Variants in SPATA17 observed in about 807,000 individuals in gnomAD.
SPATA17 encodes spermatogenesis associated 17, also known as spermatogenesis-associated protein 17.
SPATA17 carries 53 observed loss-of-function variants against 62.2 expected under a neutral mutation model. That is an observed-to-expected ratio of 0.85 (90% CI 0.68 to 1.07). SPATA17 has a LOEUF of 1.07. Ranked by LOEUF, SPATA17 falls within the 50% of genes least tolerant of loss-of-function variation. SPATA17 has a pLI of 0.00. For missense variants in SPATA17, 466 were observed against 425.5 expected (o/e 1.10, Z -0.84); for synonymous variants, 146 against 146.8 (o/e 0.99, Z 0.04).
intron 5 of SPATA17, among the ~76,000 whole-genome samples, chr1:217,701,218 G>A (rs573344464): frequency 9.2e-4 from 138 of 150,290 alleles, no homozygotes; most frequent in Middle Eastern, 3.6e-3. Flanking sequence ...CAAGTGATTC[G>A]TTGCCTTGGC....
At position 217,782,231 on chromosome 1, in the gene SPATA17, A is replaced by G. The variant is rs1448026367; in HGVS notation, c.781A>G (p.Thr261Ala). Residue 261 changes from threonine (T) to alanine (A), a missense_variant, in exon 8 of 11, where the codon ACG (threonine) becomes GCG (alanine). Thr to Ala is a moderately conservative substitution (Grantham distance 58). Transcript: ENST00000366933. ...ACAACGCTACAGGCCTTTGGAGCCA[A>G]CGTTGCGGGTGGCAGAACCAATCGA... ...LEQRYRPLEP[T>A]LRVAEPIDEL... 5 of 1,612,966 alleles carry G rather than the reference A, an allele frequency of 3.1e-6. No homozygotes were observed. The East Asian group carries it at 6.7e-5, about 22-fold the overall frequency.
chr1:217,786,765 CT>C (rs34586043), intron 8 of SPATA17, among the ~76,000 whole-genome samples: 11,720 of 146,702 alleles, frequency 0.08, 521 homozygotes, highest in Admixed American at 0.12. Context: ...TCTTCTTCTT[CT>C]TCTTCTTCTT....
rs982453538 is a variant in SPATA17, at chr1:217,804,559, A to C, written c.1005+2709A>C. ...ACAAATAGAATTGCATCAAACCAAA[A>C]AGCTTTGCACAGCAAAGGAAATGAT... is the stretch of plus-strand genomic sequence containing the variant. On this transcript the variant is annotated intron_variant, in intron 9 of 10. Transcript: ENST00000366933. Among the ~76,000 whole-genome samples, 5 of 152,236 alleles carry C rather than the reference A, an allele frequency of 3.3e-5. No homozygotes were observed. The East Asian group carries it at 9.6e-4, about 29-fold the overall frequency.
At chr1:217,701,286 GATATGTGTGTGT>G (rs1423235366) in intron 5 of SPATA17, among the ~76,000 whole-genome samples, 3 of 151,000 alleles carry the variant, frequency 2.0e-5, no homozygotes, top group Non-Finnish European at 3.0e-5. Context: ...TTCACATATA[GATATGTGTGTGT>G]ATATGTGTGT....
chr1:217,663,735 C>T (rs527639087), intron 3 of SPATA17, among the ~76,000 whole-genome samples: 13 of 152,034 alleles, frequency 8.6e-5, no homozygotes, highest in Non-Finnish European at 1.3e-4. Context: ...TTGATCTCAT[C>T]GTGTCATCTA....
In SPATA17 at chr1:217,800,498, G is replaced by T. The variant is rs115227890; in HGVS notation, c.873-1220G>T. Among the ~76,000 whole-genome samples, 1,120 of 152,166 alleles carry T rather than the reference G, an allele frequency of 7.4e-3. 8 individuals carry two copies. Among genetic ancestry groups the T allele is most frequent in the African/African-American group, 0.026 (1,061 of 41,500 alleles). The stretch of plus-strand genomic sequence containing the variant: ...CTTTCCTTGAGACTAGAGCTTTTTG[G>T]TGTAAATTTTTCTGAGAATAGGCTC... On this transcript the variant is annotated intron_variant, in intron 8 of 10. Transcript: ENST00000366933.
intron 9 of SPATA17, among the ~76,000 whole-genome samples, chr1:217,838,651 A>G (rs1443435036): frequency 6.6e-6 from 1 of 152,124 alleles, no homozygotes; most frequent in African/African-American, 2.4e-5. Flanking sequence ...ACAAAAAGAA[A>G]TCACTTTTGT....
chr1:217,859,686 A>C (rs1236388067), intron 9 of SPATA17, among the ~76,000 whole-genome samples: 2 of 152,146 alleles, frequency 1.3e-5, no homozygotes, highest in African/African-American at 2.4e-5. Flanking sequence ...GATTATAGGC[A>C]TGAGTCACCA....
At chr1:217,701,585 C>T (rs1300640641) in intron 5 of SPATA17, among the ~76,000 whole-genome samples, 1 of 151,462 alleles carries the variant, frequency 6.6e-6, no homozygotes, top group African/African-American at 2.4e-5. Flanking sequence ...CGGGGTTTCG[C>T]CATGTTGGAC....
rs932314029 is a variant in SPATA17, at chr1:217,735,456, AC to A, written c.396-6517del. ...AATTGAATTACCTCCCAAAGGCCCCACCTCCAAATGCCATCACATTTAGGAT... is the reference window on the plus strand; with the variant it reads ...AATTGAATTACCTCCCAAAGGCCCCACTCCAAATGCCATCACATTTAGGAT... On this transcript the variant is annotated intron_variant, in intron 5 of 10. Transcript: ENST00000366933. 4.4e-4 allele frequency among the ~76,000 whole-genome samples: 67 copies of A among 152,206 alleles called. 1 individual carries two copies. The highest frequency in any genetic ancestry group is 1.5e-3 in the African/African-American group (64 of 41,522).
At chr1:217,637,298 A>C (rs1010789057) in intron 1 of SPATA17, among the ~76,000 whole-genome samples, 5 of 152,202 alleles carry the variant, frequency 3.3e-5, no homozygotes, top group African/African-American at 1.2e-4. Flanking sequence ...AAATATAAAG[A>C]AGATCAAAGA....
Position 217,654,847 on chromosome 1 carries a change from G to A in SPATA17, c.240+3669G>A, listed in dbSNP as rs575784814. ...CCTGCCTCAGCCTCCCGAGTAGCTG[G>A]GACTACAGGCACGTGCCACCACGCC... On this transcript the variant is annotated intron_variant, in intron 3 of 10. Coordinates refer to ENST00000366933, the MANE Select transcript of SPATA17 (RefSeq NM_138796.4). Among the ~76,000 whole-genome samples, 372 of 151,874 alleles carry A rather than the reference G, an allele frequency of 2.4e-3. 1 individual carries two copies. The highest frequency in any genetic ancestry group is 3.1e-3 in the Non-Finnish European group (212 of 67,956).
At chr1:217,764,343 C>T (rs1428188912) in intron 6 of SPATA17, among the ~76,000 whole-genome samples, 2 of 152,142 alleles carry the variant, frequency 1.3e-5, no homozygotes, top group East Asian at 1.9e-4. Context: ...GTCATACAGC[C>T]TTTTAAGATT....
At chr1:217,635,824 A>C (rs1170269206) in intron 1 of SPATA17, among the ~76,000 whole-genome samples, 1 of 151,948 alleles carries the variant, frequency 6.6e-6, no homozygotes, top group Non-Finnish European at 1.5e-5. Flanking sequence ...GAAGCCTCCA[A>C]GTTGCAAGCC....
intron 5 of SPATA17, among the ~76,000 whole-genome samples, chr1:217,688,715 G>T (rs1201892504): frequency 6.6e-6 from 1 of 152,156 alleles, no homozygotes; most frequent in African/African-American, 2.4e-5. Context: ...TGTTGATAGA[G>T]TTGGGGCACT....
At chr1:217,663,636 T>C (rs1670618508) in intron 3 of SPATA17, among the ~76,000 whole-genome samples, 2 of 152,170 alleles carry the variant, frequency 1.3e-5, no homozygotes, top group South Asian at 4.1e-4. Context: ...AGATCTGTTA[T>C]CCATTGTGCA....
At chr1:217,757,933 A>G (rs1673086675) in intron 6 of SPATA17, among the ~76,000 whole-genome samples, 1 of 152,204 alleles carries the variant, frequency 6.6e-6, no homozygotes, top group Non-Finnish European at 1.5e-5. Flanking sequence ...GAATACCTCA[A>G]TATTCTGGTT....
rs1049484587 is a variant in SPATA17, at chr1:217,690,406, T to C, written c.395+7045T>C. ...TCCATAGAGTTAATTTTGATGACTG[T>C]ATTTTTCATTTCTAAAAAGTACTAT... On this transcript the variant is annotated intron_variant, in intron 5 of 10. Coordinates refer to ENST00000366933, the MANE Select transcript of SPATA17 (RefSeq NM_138796.4). Among the ~76,000 whole-genome samples, 8 of 151,826 alleles carry C rather than the reference T, an allele frequency of 5.3e-5. No homozygotes were observed. The South Asian group carries it at 1.7e-3, about 31-fold the overall frequency.
chr1:217,684,534 C>T (rs1372793295), intron 5 of SPATA17, among the ~76,000 whole-genome samples: 1 of 151,990 alleles, frequency 6.6e-6, no homozygotes, highest in Non-Finnish European at 1.5e-5. Context: ...TGTGCCTCAG[C>T]CTCTCGAGTA....
Sources: gnomAD v4.1 joint callset for allele counts (sites outside exome capture counted in the v4.1 genomes callset) on GRCh38, gnomAD v4.1.1 for gene constraint, MANE v1.5 for transcripts, NCBI Gene and HGNC (gene_info 2026-07-23, HGNC 2026-07-21) for gene names.